KATNIP: variants seen among roughly 807,000 people sequenced by gnomAD.
The protein encoded by KATNIP is katanin interacting protein.
Under a neutral mutation model 174.0 loss-of-function variants are expected in KATNIP, and 126 were observed. That is an observed-to-expected ratio of 0.72 (90% CI 0.63 to 0.84). KATNIP has a LOEUF of 0.84. Among genes scored for constraint, KATNIP ranks in the 40% least tolerant of loss-of-function variants. The probability of loss-of-function intolerance (pLI) is 0.00; values close to 1 mark genes in which losing one functional copy is unlikely to be tolerated. For synonymous variants in KATNIP, 810 were observed against 835.7 expected, an observed-to-expected ratio of 0.97 and a Z score of 0.53; for missense variants, 1,958 against 2,109.7, an observed-to-expected ratio of 0.93 and a Z score of 1.41.
intron 2 of KATNIP, among the ~76,000 whole-genome samples, chr16:27,588,878 C>CTT (rs11346883): frequency 2.2e-4 from 17 of 78,086 alleles, no homozygotes; most frequent in African/African-American, 4.3e-4. Flanking sequence ...CAACTCTATT[C>CTT]TTTTTTTTTT....
chr16:27,730,066 G>A (rs960942771), intron 14 of KATNIP, among the ~76,000 whole-genome samples: 1 of 152,208 alleles, frequency 6.6e-6, no homozygotes, highest in Admixed American at 6.5e-5. Flanking sequence ...GGCAGGGGAG[G>A]CCCAGGGGCC....
intron 8 of KATNIP, among the ~76,000 whole-genome samples, chr16:27,691,486 TG>T (rs2078732067): frequency 6.6e-6 from 1 of 152,164 alleles, no homozygotes; most frequent in Non-Finnish European, 1.5e-5. Flanking sequence ...TCCACCATCA[TG>T]GGGTATTCAG....
At chr16:27,593,401 A>G (rs1055379989) in intron 2 of KATNIP, among the ~76,000 whole-genome samples, 13 of 151,442 alleles carry the variant, frequency 8.6e-5, no homozygotes, top group East Asian at 7.8e-4. Context: ...ACCACGCCCA[A>G]CTAATTTTAT....
chr16:27,568,782 A>G (rs1444905181), intron 1 of KATNIP, among the ~76,000 whole-genome samples: 1 of 152,130 alleles, frequency 6.6e-6, no homozygotes, highest in African/African-American at 2.4e-5. Flanking sequence ...TTCTTAATCC[A>G]AAACTCTTGT....
intron 19 of KATNIP, among the ~76,000 whole-genome samples, chr16:27,762,475 TG>T (rs1448584525): frequency 6.6e-6 from 1 of 152,176 alleles, no homozygotes; most frequent in Non-Finnish European, 1.5e-5. Flanking sequence ...GACTGAAATA[TG>T]CAGAGGCCAC....
At chr16:27,696,126 A>G (rs1329101456) in intron 8 of KATNIP, among the ~76,000 whole-genome samples, 1 of 152,224 alleles carries the variant, frequency 6.6e-6, no homozygotes, top group Non-Finnish European at 1.5e-5. Context: ...GGGAACTTCC[A>G]GAATCAACTG....
chr16:27,657,678 G>T (rs149662386), intron 6 of KATNIP, among the ~76,000 whole-genome samples: 1 of 152,266 alleles, frequency 6.6e-6, no homozygotes, highest in African/African-American at 2.4e-5. Flanking sequence ...TTGGGAGGCC[G>T]AGGTGGGTGG....
rs370738639 is a variant in KATNIP at position 27,740,741 on chromosome 16, G to A, written c.2444G>A (p.Gly815Glu). Residue 815 changes from glycine to glutamate, a missense_variant, in exon 15 of 28, where the codon GGG (glycine) becomes GAG (glutamate). Around this residue, in one of 3 missense-constraint regions of KATNIP, gnomAD observed 1,557 missense variants for 1,617.8 expected, o/e 0.96. Transcript: ENST00000261588. ...GGCCTACGGCATGAGCCAGGGTGGGGGACCAGCCGGAGTGTCAACACCAAG... is the reference window on the plus strand; with the variant it reads ...GGCCTACGGCATGAGCCAGGGTGGGAGACCAGCCGGAGTGTCAACACCAAG... ...DKGLRHEPGW[G>E]TSRSVNTKER... The A allele has an allele frequency of 6.1e-5, 99 of 1,614,040 alleles. No homozygotes were observed. Among genetic ancestry groups the A allele is most frequent in the East Asian group, 8.9e-5 (4 of 44,894 alleles).
chr16:27,774,628 A>G (rs1597431085), intron 23 of KATNIP, among the ~76,000 whole-genome samples: 1 of 151,944 alleles, frequency 6.6e-6, no homozygotes, highest in African/African-American at 2.4e-5. Context: ...CTTGCCCTCC[A>G]CCCTCTCAAG....
At chr16:27,682,939 C>G in intron 8 of KATNIP, among the ~76,000 whole-genome samples, 1 of 152,180 alleles carries the variant, frequency 6.6e-6, no homozygotes, top group Non-Finnish European at 1.5e-5. Flanking sequence ...TCACCATGCA[C>G]TGCCTCGAGA....
chr16:27,579,375 C>A (rs929677231), intron 2 of KATNIP, among the ~76,000 whole-genome samples: 2 of 152,200 alleles, frequency 1.3e-5, no homozygotes, highest in Admixed American at 1.3e-4. Flanking sequence ...TGGACTTGAG[C>A]CCTCTCACCT....
intron 14 of KATNIP, among the ~76,000 whole-genome samples, chr16:27,733,382 A>G (rs971034718): frequency 6.6e-6 from 1 of 152,178 alleles, no homozygotes; most frequent in African/African-American, 2.4e-5. Flanking sequence ...GTAAAGAAGG[A>G]AGATAAGGGC....
At chr16:27,666,460 C>T (rs1454516497) in intron 6 of KATNIP, among the ~76,000 whole-genome samples, 1 of 151,966 alleles carries the variant, frequency 6.6e-6, no homozygotes, top group East Asian at 1.9e-4. Flanking sequence ...CTCTGTCACC[C>T]AGGCTGAAGT....
chr16:27,717,979 A>T (rs1278620077), intron 13 of KATNIP, among the ~76,000 whole-genome samples: 2 of 152,060 alleles, frequency 1.3e-5, no homozygotes, highest in Non-Finnish European at 2.9e-5. Flanking sequence ...CATACCCTTT[A>T]TGAGCCACCT....
chr16:27,592,714 G>A (rs1306636650), intron 2 of KATNIP, among the ~76,000 whole-genome samples: 5 of 152,024 alleles, frequency 3.3e-5, no homozygotes, highest in African/African-American at 4.8e-5. Flanking sequence ...GCACCATCAC[G>A]CCCGGCTAAT....
At chr16:27,651,421 A>C (rs1416197252) in intron 6 of KATNIP, among the ~76,000 whole-genome samples, 1 of 152,116 alleles carries the variant, frequency 6.6e-6, no homozygotes, top group African/African-American at 2.4e-5. Context: ...AAGAGATGCA[A>C]TCTGAACAGG....
chr16:27,683,548 C>G (rs1395420677), intron 8 of KATNIP, among the ~76,000 whole-genome samples: 1 of 152,036 alleles, frequency 6.6e-6, no homozygotes, highest in Non-Finnish European at 1.5e-5. Context: ...CAGCCAATAG[C>G]GTCACAGAGT....
rs373043401 is a variant in KATNIP at position 27,735,439 on chromosome 16, G to A, written c.1744-4602G>A. On this transcript the variant is annotated intron_variant, in intron 14 of 27. Transcript: ENST00000261588. Reference sequence around the variant, plus strand: ...TACCTCTTTAAAGGAAGGTGTTTCTGTCTCACCAGATATCCCTGTGGCAGT... The same window carrying A: ...TACCTCTTTAAAGGAAGGTGTTTCTATCTCACCAGATATCCCTGTGGCAGT... 2.6e-5 allele frequency among the ~76,000 whole-genome samples: 4 copies of A among 152,202 alleles called. No homozygotes were observed. The East Asian group carries it at 7.7e-4, about 29-fold the overall frequency.
At chr16:27,739,624 C>T (rs1327484876) in intron 14 of KATNIP, among the ~76,000 whole-genome samples, 2 of 152,196 alleles carry the variant, frequency 1.3e-5, no homozygotes, top group African/African-American at 4.8e-5. Flanking sequence ...TTAAAGAACA[C>T]TGCTATAGGC....
Sources: gnomAD v4.1 joint callset for allele counts (sites outside exome capture counted in the v4.1 genomes callset) on GRCh38, gnomAD v4.1.1 for gene constraint, gnomAD v4.1.1 regional missense constraint, MANE v1.5 for transcripts, NCBI Gene and HGNC (gene_info 2026-07-23, HGNC 2026-07-21) for gene names.